ARSB: variants seen among roughly 807,000 people sequenced by gnomAD.
The protein encoded by ARSB is arylsulfatase B, also known as N-acetylgalactosamine-4-sulfatase.
ARSB carries 41 observed loss-of-function variants against 50.9 expected under a neutral mutation model. The observed-to-expected ratio is 0.81, with a 90% confidence interval of 0.63 to 1.04. The LOEUF (loss-of-function observed/expected upper bound fraction) is 1.04. Ranked by LOEUF, ARSB falls within the 50% of genes least tolerant of loss-of-function variation. The pLI is 0.00. For missense variants in ARSB, 672 were observed against 693.3 expected (o/e 0.97, Z 0.35); for synonymous variants, 269 against 284.8 (o/e 0.94, Z 0.56).
At chr5:78,875,788 C>T (rs549200695) in intron 5 of ARSB, among the ~76,000 whole-genome samples, 35 of 152,128 alleles carry the variant, frequency 2.3e-4, no homozygotes, top group Middle Eastern at 6.8e-3. Context: ...CTCCCTCAGT[C>T]TCCCAAGTAG....
chr5:78,984,854 C>T, intron 1 of ARSB, 83 bp downstream of exon 1: 1 of 1,130,086 alleles, frequency 8.8e-7, no homozygotes, highest in South Asian at 4.3e-5. Context: ...CCAGCGCCCG[C>T]GGCCTCAAGG....
At chr5:78,781,122 T>C (rs1376632198) in intron 7 of ARSB, among the ~76,000 whole-genome samples, 1 of 152,218 alleles carries the variant, frequency 6.6e-6, no homozygotes, top group African/African-American at 2.4e-5. Flanking sequence ...TCTTAGAGAA[T>C]ATAATCAGAG....
intron 5 of ARSB, among the ~76,000 whole-genome samples, chr5:78,855,139 T>C (rs1442525262): frequency 1.3e-5 from 2 of 152,160 alleles, no homozygotes; most frequent in African/African-American, 4.8e-5. Flanking sequence ...CACTGCTCTG[T>C]TTCCCTGGGA....
chr5:78,910,502 A>T (rs771135018), intron 4 of ARSB, among the ~76,000 whole-genome samples: 17 of 152,244 alleles, frequency 1.1e-4, no homozygotes, highest in Admixed American at 4.6e-4. Context: ...TGATTATTAA[A>T]GTTTCCATGA....
At chr5:78,859,910 C>T (rs1746344902) in intron 5 of ARSB, among the ~76,000 whole-genome samples, 1 of 152,128 alleles carries the variant, frequency 6.6e-6, no homozygotes, top group African/African-American at 2.4e-5. Flanking sequence ...CAATCTGAAA[C>T]AACCTCAGAA....
chr5:78,921,965 A>G (rs1212496266), intron 4 of ARSB, among the ~76,000 whole-genome samples: 1 of 152,120 alleles, frequency 6.6e-6, no homozygotes, highest in Non-Finnish European at 1.5e-5. Context: ...GCCCTAAAAC[A>G]GTGGAAAGCA....
At chr5:78,810,412 TGA>T (rs1290706081) in intron 6 of ARSB, among the ~76,000 whole-genome samples, 5 of 152,218 alleles carry the variant, frequency 3.3e-5, no homozygotes, top group Non-Finnish European at 7.3e-5. Context: ...TTGGTGCCTG[TGA>T]GTTATTTGTT....
At chr5:78,932,207 T>C (rs1750355760) in intron 4 of ARSB, among the ~76,000 whole-genome samples, 2 of 152,190 alleles carry the variant, frequency 1.3e-5, no homozygotes, top group South Asian at 4.1e-4. Context: ...AACTACATTC[T>C]CCCATGGTGG....
At chr5:78,913,238 C>A (rs2112323753) in intron 4 of ARSB, among the ~76,000 whole-genome samples, 1 of 152,212 alleles carries the variant, frequency 6.6e-6, no homozygotes, top group African/African-American at 2.4e-5. Flanking sequence ...CATTCTCCTG[C>A]CTCAGCCTCC....
At position 78,909,909 on chromosome 5, in the gene ARSB, A is replaced by G. The variant is rs568766499; in HGVS notation, c.899-24082T>C. On this transcript the variant is annotated intron_variant, in intron 4 of 7. Transcript: ENST00000264914. ...GTCTCGGTATAAAACCCGATTGTAC[A>G]TTTGTTCAATTCTGAGATAGGAGAA... 3.3e-5 allele frequency among the ~76,000 whole-genome samples: 5 copies of G among 152,304 alleles called. No homozygotes were observed. The South Asian group carries it at 1.0e-3, about 32-fold the overall frequency.
At chr5:78,926,516 C>T (rs1241936648) in intron 4 of ARSB, among the ~76,000 whole-genome samples, 1 of 152,070 alleles carries the variant, frequency 6.6e-6, no homozygotes, top group Non-Finnish European at 1.5e-5. Flanking sequence ...AATGGAGTCA[C>T]TGGGAGGCAA....
chr5:78,864,617 C>G (rs1401134205), intron 5 of ARSB, among the ~76,000 whole-genome samples: 1 of 152,140 alleles, frequency 6.6e-6, no homozygotes, highest in African/African-American at 2.4e-5. Context: ...CATGCCTTCC[C>G]AACAGTCCCC....
At chr5:78,957,669 C>T (rs990771090) in intron 3 of ARSB, among the ~76,000 whole-genome samples, 3 of 152,178 alleles carry the variant, frequency 2.0e-5, no homozygotes, top group Admixed American at 2.0e-4. Context: ...GACACACATA[C>T]ACCTTCTACT....
At chr5:78,929,516 C>T (rs142233876) in intron 4 of ARSB, among the ~76,000 whole-genome samples, 413 of 152,196 alleles carry the variant, frequency 2.7e-3, no homozygotes, top group South Asian at 7.1e-3. Flanking sequence ...ACTGGCCCGG[C>T]GCAGTGGCTC....
At chr5:78,867,237 G>C (rs923468406) in intron 5 of ARSB, among the ~76,000 whole-genome samples, 2 of 152,196 alleles carry the variant, frequency 1.3e-5, no homozygotes, top group Non-Finnish European at 2.9e-5. Flanking sequence ...AGCGAGGCTG[G>C]GGGAGAGGCG....
chr5:78,841,168 C>CTAATAATAATAATAATAATAATAATAA lies in ARSB; in HGVS notation c.1143-1743_1143-1742insTTATTATTATTATTATTATTATTATTA, dbSNP rs1554074343. 3.7e-3 allele frequency among the ~76,000 whole-genome samples: 485 copies of CTAATAATAATAATAATAATAATAATAA among 132,008 alleles called. 4 individuals are homozygous for CTAATAATAATAATAATAATAATAATAA. The highest frequency in any genetic ancestry group is 5.1e-3 in the Admixed American group (63 of 12,426). 86.6% of individuals were successfully genotyped at this position (132,008 alleles called of 152,430 possible). A position where few individuals can be genotyped will look rare whatever the true frequency, so the allele number is the denominator to read the frequency against. ...ACTACTACTACTACTACTACTACTACTAATAATAATAATAATTTGAGCATG... is the reference window on the plus strand; with the variant it reads ...ACTACTACTACTACTACTACTACTACTAATAATAATAATAATAATAATAATAATAATAATAATAATAATTTGAGCATG... On this transcript the variant is annotated intron_variant, in intron 5 of 7. Transcript: ENST00000264914.
intron 2 of ARSB, among the ~76,000 whole-genome samples, chr5:78,967,114 A>G (rs1298986014): frequency 6.6e-6 from 1 of 152,104 alleles, no homozygotes; most frequent in Non-Finnish European, 1.5e-5. Context: ...ACTTTTACTG[A>G]ATTGCACTTT....
At chr5:78,875,294 A>G (rs1288214210) in intron 5 of ARSB, among the ~76,000 whole-genome samples, 2 of 152,224 alleles carry the variant, frequency 1.3e-5, no homozygotes, top group Non-Finnish European at 2.9e-5. Flanking sequence ...CATTTGCACC[A>G]TTCCCCATAG....
chr5:78,944,143 A>T (rs1172573418), intron 4 of ARSB, among the ~76,000 whole-genome samples: 1 of 152,066 alleles, frequency 6.6e-6, no homozygotes, highest in Non-Finnish European at 1.5e-5. Context: ...TCCTTTAAGG[A>T]CTTCTCTGCA....
Sources: gnomAD v4.1 joint callset for allele counts (sites outside exome capture counted in the v4.1 genomes callset) on GRCh38, gnomAD v4.1.1 for gene constraint, MANE v1.5 for transcripts, NCBI Gene and HGNC (gene_info 2026-07-23, HGNC 2026-07-21) for gene names.